Variants in FSTL4 observed in about 807,000 individuals in gnomAD.
FSTL4 encodes follistatin-related protein 4.
A neutral mutation model predicts 78.2 loss-of-function variants in FSTL4; 28 were observed. That is an observed-to-expected ratio of 0.36 (90% CI 0.27 to 0.49). The LOEUF (loss-of-function observed/expected upper bound fraction) is 0.49. Ranked by LOEUF, FSTL4 falls within the 20% of genes least tolerant of loss-of-function variation. FSTL4 has a pLI of 0.98. For missense variants in FSTL4, 922 were observed against 1,084.9 expected, an observed-to-expected ratio of 0.85 and a Z score of 2.11; for synonymous variants, 422 against 440.5, an observed-to-expected ratio of 0.96 and a Z score of 0.53.
chr5:133,201,837 CAGAGAAA>C, intron 15 of FSTL4, 89 bp downstream of exon 15: 1 of 674,252 alleles, frequency 1.5e-6, no homozygotes, highest in Non-Finnish European at 2.6e-6. Flanking sequence ...GTGGAGGAGA[CAGAGAAA>C]TGAGCAGGTC....
At chr5:133,300,049 T>G (rs1753498677) in intron 6 of FSTL4, among the ~76,000 whole-genome samples, 1 of 152,172 alleles carries the variant, frequency 6.6e-6, no homozygotes, top group Admixed American at 6.5e-5. Flanking sequence ...CAGAAGCCCT[T>G]AGCTTTACCA....
intron 2 of FSTL4, among the ~76,000 whole-genome samples, chr5:133,592,433 A>G (rs2112968106): frequency 6.6e-6 from 1 of 152,312 alleles, no homozygotes; most frequent in East Asian, 1.9e-4. Context: ...AATTATATAT[A>G]CCATTCTCAT....
chr5:133,743,707 C>A, the FSTL4 span, among the ~76,000 whole-genome samples: 1 of 152,228 alleles, frequency 6.6e-6, no homozygotes, highest in Admixed American at 6.5e-5. Flanking sequence ...AAACAAGATA[C>A]TAGCAGGCAA....
At chr5:133,355,065 G>A (rs1159827258) in intron 4 of FSTL4, among the ~76,000 whole-genome samples, 1 of 152,232 alleles carries the variant, frequency 6.6e-6, no homozygotes, top group African/African-American at 2.4e-5. Flanking sequence ...TCAGCCCTAA[G>A]CAGTTGTTGG....
At chr5:133,368,363 C>G (rs1297410592) in intron 4 of FSTL4, among the ~76,000 whole-genome samples, 1 of 152,224 alleles carries the variant, frequency 6.6e-6, no homozygotes, top group Non-Finnish European at 1.5e-5. Flanking sequence ...CACACCAGTG[C>G]TGTCTGCACA....
chr5:133,603,356 T>C (rs966462039), intron 2 of FSTL4, among the ~76,000 whole-genome samples: 2 of 152,206 alleles, frequency 1.3e-5, no homozygotes, highest in African/African-American at 4.8e-5. Flanking sequence ...ATACCTAACA[T>C]GCCATTAATC....
At chr5:133,795,259 A>G in the FSTL4 span, among the ~76,000 whole-genome samples, 2 of 152,194 alleles carry the variant, frequency 1.3e-5, no homozygotes, top group African/African-American at 4.8e-5. Flanking sequence ...CTGCAAACTC[A>G]GGCCGGCAAG....
At chr5:133,471,759 A>AG (rs1166489118) in intron 3 of FSTL4, among the ~76,000 whole-genome samples, 1 of 152,230 alleles carries the variant, frequency 6.6e-6, no homozygotes, top group Non-Finnish European at 1.5e-5. Flanking sequence ...ACAAGGAATA[A>AG]GGATCAGTCT....
chr5:133,469,774 C>T (rs534715743), intron 3 of FSTL4, among the ~76,000 whole-genome samples: 7 of 152,136 alleles, frequency 4.6e-5, no homozygotes, highest in South Asian at 2.1e-4. Flanking sequence ...CATTCACTGG[C>T]GCACAGGACA....
the FSTL4 span, among the ~76,000 whole-genome samples, chr5:133,691,859 G>C: frequency 6.6e-6 from 1 of 152,322 alleles, no homozygotes; most frequent in Admixed American, 6.5e-5. Flanking sequence ...GACGGCAGGG[G>C]ATGGGACACA....
intron 3 of FSTL4, among the ~76,000 whole-genome samples, chr5:133,444,560 C>A (rs1455198962): frequency 6.6e-6 from 1 of 152,204 alleles, no homozygotes; most frequent in Non-Finnish European, 1.5e-5. Flanking sequence ...CAACGTGTGC[C>A]CCCAGTGCTG....
chr5:133,446,131 A>G (rs1757259991), intron 3 of FSTL4, among the ~76,000 whole-genome samples: 1 of 152,056 alleles, frequency 6.6e-6, no homozygotes, highest in Non-Finnish European at 1.5e-5. Flanking sequence ...GAGCTATTTG[A>G]GCCCCACCAA....
At chr5:133,529,612 G>A (rs1315505149) in intron 3 of FSTL4, among the ~76,000 whole-genome samples, 1 of 152,090 alleles carries the variant, frequency 6.6e-6, no homozygotes, top group Non-Finnish European at 1.5e-5. Context: ...TTATAGATGA[G>A]GATAATTAGA....
At chr5:133,451,484 C>A (rs1009400808) in intron 3 of FSTL4, among the ~76,000 whole-genome samples, 4 of 152,164 alleles carry the variant, frequency 2.6e-5, no homozygotes, top group African/African-American at 9.7e-5. Flanking sequence ...TCGCTTGAAC[C>A]CAGGAGGGGG....
At chr5:133,360,744 C>G (rs984323061) in intron 4 of FSTL4, among the ~76,000 whole-genome samples, 3 of 152,144 alleles carry the variant, frequency 2.0e-5, no homozygotes, top group African/African-American at 7.2e-5. Flanking sequence ...TAATTTCAGA[C>G]AGTTAAGAGC....
the FSTL4 span, among the ~76,000 whole-genome samples, chr5:133,784,309 T>C: frequency 6.6e-5 from 10 of 152,124 alleles, no homozygotes; most frequent in African/African-American, 1.7e-4. Context: ...TGACCACATA[T>C]TAAGTCTATT....
chr5:133,472,673 T>C (rs747565918), intron 3 of FSTL4, among the ~76,000 whole-genome samples: 6 of 152,248 alleles, frequency 3.9e-5, no homozygotes, highest in East Asian at 3.8e-4. Flanking sequence ...CTCTCCAACA[T>C]TGGCATCTCA....
chr5:133,811,189 T>C, the FSTL4 span, among the ~76,000 whole-genome samples: 3 of 152,278 alleles, frequency 2.0e-5, no homozygotes, highest in East Asian at 3.9e-4. Flanking sequence ...GGTTATTGAG[T>C]TCTGATATAG....
chr5:133,392,221 G>C (rs1755867065), intron 4 of FSTL4, among the ~76,000 whole-genome samples: 1 of 152,186 alleles, frequency 6.6e-6, no homozygotes, highest in Admixed American at 6.5e-5. Context: ...ATGAGAGGTA[G>C]ACTGAAACGT....
Sources: allele counts gnomAD v4.1 joint callset (sites outside exome capture counted in the v4.1 genomes callset), GRCh38; gene constraint gnomAD v4.1.1; transcripts MANE v1.5; gene names NCBI Gene and HGNC (gene_info 2026-07-23, HGNC 2026-07-21).